CLDND2: variants seen among roughly 807,000 people sequenced by gnomAD.
The protein encoded by CLDND2 is claudin domain containing 2, also known as claudin domain-containing protein 2.
CLDND2 carries 18 observed loss-of-function variants against 17.7 expected under a neutral mutation model. The ratio of observed to expected loss-of-function variants is 1.02; its 90% CI spans 0.70 to 1.51. CLDND2 has a LOEUF of 1.51. CLDND2 is among the 40% of genes most tolerant of loss of function. CLDND2 has a pLI of 0.00. For missense variants in CLDND2, 233 were observed against 219.6 expected (o/e 1.06, Z -0.39); for synonymous variants, 113 against 93.0 (o/e 1.22, Z -1.24).
In CLDND2 at chr19:51,367,590, A is replaced by T. The variant is rs540814614; in HGVS notation, c.311-14T>A. 8 of 1,609,068 alleles carry T rather than the reference A, an allele frequency of 5.0e-6. No homozygotes were observed. In the African/African-American group the frequency reaches 9.3e-5, roughly 19 times the overall value. The stretch of plus-strand genomic sequence containing the variant: ...GCAGCAGCAGTCCTGGGCCCCGCCC[A>T]GCCGCAAGATGAGCTAGCTGGGCCT... On this transcript the variant is annotated splice_polypyrimidine_tract_variant and intron_variant, in intron 2 of 3. Transcript: ENST00000291715. The surrounding 1 kb of genome is among the most constrained non-coding windows in gnomAD (Gnocchi z 7.4).
chr19:51,368,044 ATCAGCCCCCGCGGGCGCC>A lies in CLDND2; in HGVS notation c.170-36_170-19del, dbSNP rs1986499559. 1 of 1,591,364 alleles carries A rather than the reference ATCAGCCCCCGCGGGCGCC, an allele frequency of 6.3e-7. No homozygotes were observed. On this transcript the variant is annotated intron_variant, in intron 1 of 3. Coordinates refer to ENST00000291715, the MANE Select transcript of CLDND2 (RefSeq NM_152353.3). ...CAGCGTGGCTGGGGAGAGCGGGCGC[ATCAGCCCCCGCGGGCGCC>A]GCCCCAGTCACTACGGGTTCGGCCG... is the stretch of plus-strand genomic sequence containing the variant.
At position 51,368,618 on chromosome 19, in the gene CLDND2, G is replaced by A. The variant is rs369227307; in HGVS notation, c.-41C>T. ...GCCGGGGGCCACAAGGGCAGGATGG[G>A]CCCAGGCCTTTCCTACCCCGAGGCC... On this transcript the variant is annotated 5_prime_UTR_variant, in exon 1 of 4. Transcript: ENST00000291715. 222 of 1,578,770 alleles carry A rather than the reference G, an allele frequency of 1.4e-4. No individual in the cohort carries two copies. The African/African-American group carries it at 2.7e-3, about 19-fold the overall frequency.
chr19:51,368,362 C>T (rs1986523629), intron 1 of CLDND2, 47 bp downstream of exon 1: 2 of 1,569,382 alleles, frequency 1.3e-6, no homozygotes, highest in East Asian at 2.2e-5. Flanking sequence ...GTCCCGAGCC[C>T]TGGGGGTCTG....
rs1364344485 is a variant in CLDND2, at chr19:51,367,972, A to G, written c.224T>C (p.Val75Ala). The part of the protein sequence containing the change: ...CMVLAVGVGV[V>A]GMVMGLRIRC... ...AATCCGCAGTCCCATCACCATGCCC[A>G]CCACGCCGACACCCACCGCCAGCAC... is the stretch of plus-strand genomic sequence containing the variant. Residue 75 changes from valine (V) to alanine (A), a missense_variant, in exon 2 of 4, where the codon GTG becomes GCG. Coordinates refer to ENST00000291715, the MANE Select transcript of CLDND2 (RefSeq NM_152353.3). This position sits in a 1 kb window ranked among gnomAD's most constrained non-coding sequence, Gnocchi z 7.4. The G allele has an allele frequency of 2.5e-6, 4 of 1,611,796 alleles. No individual in the cohort carries two copies. The highest frequency in any genetic ancestry group is 3.4e-6 in the Non-Finnish European group (4 of 1,179,040).
Position 51,367,776 on chromosome 19 carries a change from T to A in CLDND2, c.310+110A>T. ...CACCTCTCTCGGCTTCTTCCAGCCC[T>A]GCCCCTCGGATCCTGGCCGAGTACC... On this transcript the variant is annotated intron_variant, in intron 2 of 3. Transcript: ENST00000291715. The surrounding 1 kb of genome is among the most constrained non-coding windows in gnomAD (Gnocchi z 7.4). 6.7e-7 allele frequency: 1 copy of A among 1,493,282 alleles called. No homozygotes were observed. Among genetic ancestry groups the A allele is most frequent in the South Asian group, 1.3e-5 (1 of 77,002 alleles). The allele number at this position is 1,493,282 out of a possible 1,614,324, so 92.5% of individuals were successfully genotyped here. A position where few individuals can be genotyped will look rare whatever the true frequency, so the allele number is the denominator to read the frequency against.
In CLDND2 at chr19:51,367,723, C is replaced by A. The variant is rs1411502608; in HGVS notation, c.311-147G>T. 2.0e-6 allele frequency: 3 copies of A among 1,479,650 alleles called. No homozygotes were observed. In the African/African-American group the frequency reaches 4.2e-5, roughly 21 times the overall value. 91.7% of individuals were successfully genotyped at this position (1,479,650 alleles called of 1,614,324 possible). On this transcript the variant is annotated intron_variant, in intron 2 of 3. Transcript: ENST00000291715. The surrounding 1 kb of genome is among the most constrained non-coding windows in gnomAD (Gnocchi z 7.4). ...GGCCCAGGCCCCTTCCTGCTCCTCC[C>A]GCTCTGAACTCTGTCTCGAGCCCCG...
Position 51,368,807 on chromosome 19 carries a change from C to T in CLDND2, c.-230G>A. 1 of 502,848 alleles carries T rather than the reference C, an allele frequency of 2.0e-6. No homozygotes were observed. Among genetic ancestry groups the T allele is most frequent in the Admixed American group, 3.5e-5 (1 of 28,212 alleles). 31.1% of individuals were successfully genotyped at this position (502,848 alleles called of 1,614,324 possible). On this transcript the variant is annotated 5_prime_UTR_variant, in exon 1 of 4. Transcript: ENST00000291715. Reference sequence around the variant, plus strand: ...CCCCTTACTGGAGACCTTGAGACTTCCCCTGAGAGGCCTCTGAGACCTTCA... The same window carrying T: ...CCCCTTACTGGAGACCTTGAGACTTTCCCTGAGAGGCCTCTGAGACCTTCA...
rs1435993047 is a variant in CLDND2 at position 51,368,026 on chromosome 19, G to A, written c.170C>T (p.Thr57Ile). The A allele has an allele frequency of 1.2e-6, 2 of 1,604,800 alleles. No homozygotes were observed. The highest frequency in any genetic ancestry group is 1.7e-6 in the Non-Finnish European group (2 of 1,176,478). The change falls in exon 2 of 4, where the codon ACC becomes ATC. Residue 57 changes from threonine to isoleucine, a missense_variant and splice_region_variant. Thr to Ile is a moderately conservative substitution (Grantham distance 89). Transcript: ENST00000291715. ...GCACGCCACAGTCACCGCCAGCGTG[G>A]CTGGGGAGAGCGGGCGCATCAGCCC... is the stretch of plus-strand genomic sequence containing the variant. Reference protein sequence around the residue: ...HGICSSIPCQTTLAVTVACMV... With the variant: ...HGICSSIPCQITLAVTVACMV...
In CLDND2 at chr19:51,368,323, T is replaced by A. The variant is rs1376747500; in HGVS notation, c.169+86A>T. 115 of 1,445,174 alleles carry A rather than the reference T, an allele frequency of 8.0e-5. No homozygotes were observed. The East Asian group carries it at 2.6e-3, about 33-fold the overall frequency. 89.5% of individuals were successfully genotyped at this position (1,445,174 alleles called of 1,614,324 possible). A position where few individuals can be genotyped will look rare whatever the true frequency, so the allele number is the denominator to read the frequency against. On this transcript the variant is annotated intron_variant, in intron 1 of 3. Coordinates refer to ENST00000291715, the MANE Select transcript of CLDND2 (RefSeq NM_152353.3). ...GCAACTGAGCCCGGGGTGGAAGGGG[T>A]GGGCGTCTCGCCATGGGCCCAGCTG...
rs1364025183 is a variant in CLDND2, at chr19:51,367,484, G to A, written c.403C>T (p.Leu135=). Reference sequence around the variant, plus strand: ...GCGAGAATTGAGAAGGGTAAGGCCAGCCACCCAGAAAAATAGGACCAAGAG... The same window carrying A: ...GCGAGAATTGAGAAGGGTAAGGCCAACCACCCAGAAAAATAGGACCAAGAG... ...FFSWSYFSGW[L]ALPFSILAGF... is the part of the protein sequence containing the mutation. The change falls in exon 3 of 4, where the codon CTG becomes TTG. Residue 135 remains leucine (L), a synonymous_variant. Coordinates refer to ENST00000291715, the MANE Select transcript of CLDND2 (RefSeq NM_152353.3). This position sits in a 1 kb window ranked among gnomAD's most constrained non-coding sequence, Gnocchi z 7.4. The A allele has an allele frequency of 6.2e-7, 1 of 1,604,416 alleles. No individual in the cohort carries two copies.
At chr19:51,367,066 A>G, downstream of CLDND2, 1 of 1,424,046 alleles carries the variant, frequency 7.0e-7, no homozygotes, top group Non-Finnish European at 9.9e-7. The surrounding 1 kb of genome is among the most constrained non-coding windows in gnomAD (Gnocchi z 7.4). Flanking sequence ...CTGCGTCCCC[A>G]CGACCCGCAG....
In CLDND2 at chr19:51,367,924, A is replaced by G. The variant is rs35337369; in HGVS notation, c.272T>C (p.Leu91Pro). 3.3e-3 allele frequency: 5,286 copies of G among 1,612,762 alleles called. 148 individuals carry two copies. In the African/African-American group the frequency reaches 0.061, roughly 19 times the overall value. Residue 91 changes from leucine (L) to proline (P), a missense_variant, in exon 2 of 4, where the codon CTG becomes CCG. Physicochemically the swap from Leu to Pro is moderately conservative, Grantham distance 98 (BLOSUM62 -3). Transcript: ENST00000291715. This position sits in a 1 kb window ranked among gnomAD's most constrained non-coding sequence, Gnocchi z 7.4. Reference protein sequence around the residue: ...LRIRCDEGESLRGQTTSAFLF... With the variant: ...LRIRCDEGESPRGQTTSAFLF... ...GAAGGCGCTCGTGGTCTGGCCCCGC[A>G]GCGACTCGCCCTCGTCGCACCGAAT... is the stretch of plus-strand genomic sequence containing the variant.
Position 51,367,220 on chromosome 19 carries a change from G to A in CLDND2, c.431-5C>T, listed in dbSNP as rs565235431. On this transcript the variant is annotated splice_polypyrimidine_tract_variant and splice_region_variant and intron_variant, in intron 3 of 3. Transcript: ENST00000291715. The surrounding 1 kb of genome is among the most constrained non-coding windows in gnomAD (Gnocchi z 7.4). Reference sequence around the variant, plus strand: ...CTGCCAGCAGAAAGCAGAAGCCTGGGGGGACGGGGGTGCGGAGCAGGGAGA... The same window carrying A: ...CTGCCAGCAGAAAGCAGAAGCCTGGAGGGACGGGGGTGCGGAGCAGGGAGA... 1.1e-5 allele frequency: 17 copies of A among 1,614,138 alleles called. No individual in the cohort carries two copies. In the South Asian group the frequency reaches 1.9e-4, roughly 18 times the overall value.
chr19:51,367,067 C>A, downstream of CLDND2: 1 of 1,430,306 alleles, frequency 7.0e-7, no homozygotes, highest in Non-Finnish European at 9.9e-7. This position sits in a 1 kb window ranked among gnomAD's most constrained non-coding sequence, Gnocchi z 7.4. Flanking sequence ...TGCGTCCCCA[C>A]GACCCGCAGA....
Position 51,367,459 on chromosome 19 carries a change from G to A in CLDND2, c.428C>T (p.Ala143Val). ...CCTCTTCCCGCTGTCCAGTTTACCC[G>A]CGAGAATTGAGAAGGGTAAGGCCAG... ...GWLALPFSILAGFCFLLADMI... is the reference protein window; with the variant it reads ...GWLALPFSILVGFCFLLADMI... The change falls in exon 3 of 4, where the codon GCG becomes GTG. Residue 143 changes from alanine (A) to valine (V), a missense_variant and splice_region_variant. Transcript: ENST00000291715. This position sits in a 1 kb window ranked among gnomAD's most constrained non-coding sequence, Gnocchi z 7.4. 1 of 1,597,972 alleles carries A rather than the reference G, an allele frequency of 6.3e-7. No homozygotes were observed. The highest frequency in any genetic ancestry group is 8.5e-7 in the Non-Finnish European group (1 of 1,171,356).
At position 51,367,567 on chromosome 19, in the gene CLDND2, A is replaced by G. The variant is rs762502780; in HGVS notation, c.320T>C (p.Leu107Pro). ...GGTGTAGCCTATCAAGGCGGTCAGCAGCAGCAGTCCTGGGCCCCGCCCAGC... is the reference window on the plus strand; with the variant it reads ...GGTGTAGCCTATCAAGGCGGTCAGCGGCAGCAGTCCTGGGCCCCGCCCAGC... ...SAFLFLGGLL[L>P]LTALIGYTVK... The change falls in exon 3 of 4, where the codon CTG (leucine) becomes CCG (proline). Residue 107 changes from leucine (L) to proline (P), a missense_variant. By Grantham distance (98) the Leu-to-Pro change is moderately conservative (BLOSUM62 -3). Transcript: ENST00000291715. This position sits in a 1 kb window ranked among gnomAD's most constrained non-coding sequence, Gnocchi z 7.4. The G allele has an allele frequency of 2.2e-5, 35 of 1,611,850 alleles. No individual in the cohort carries two copies. The highest frequency in any genetic ancestry group is 2.9e-5 in the Non-Finnish European group (34 of 1,179,152).
Position 51,367,689 on chromosome 19 carries a change from C to T in CLDND2, c.311-113G>A. On this transcript the variant is annotated intron_variant, in intron 2 of 3. Coordinates refer to ENST00000291715, the MANE Select transcript of CLDND2 (RefSeq NM_152353.3). This position sits in a 1 kb window ranked among gnomAD's most constrained non-coding sequence, Gnocchi z 7.4. ...TCAGACCACGCCTATCGCCTCTCAG[C>T]CCGCCCCTGGCCCAGGCCCCTTCCT... is the stretch of plus-strand genomic sequence containing the variant. 3 of 1,495,752 alleles carry T rather than the reference C, an allele frequency of 2.0e-6. No individual in the cohort carries two copies. The highest frequency in any genetic ancestry group is 2.7e-6 in the Non-Finnish European group (3 of 1,122,508). 92.7% of individuals were successfully genotyped at this position (1,495,752 alleles called of 1,614,324 possible).
At position 51,367,474 on chromosome 19, in the gene CLDND2, G is replaced by A; in HGVS notation, c.413C>T (p.Pro138Leu). 1 of 1,601,872 alleles carries A rather than the reference G, an allele frequency of 6.2e-7. No homozygotes were observed. The highest frequency in any genetic ancestry group is 8.5e-7 in the Non-Finnish European group (1 of 1,173,500). Residue 138 changes from proline to leucine, a missense_variant, in exon 3 of 4, where the codon CCC becomes CTC. Transcript: ENST00000291715. This position sits in a 1 kb window ranked among gnomAD's most constrained non-coding sequence, Gnocchi z 7.4. ...WSYFSGWLAL[P>L]FSILAGFCFL... ...CAGTTTACCCGCGAGAATTGAGAAG[G>A]GTAAGGCCAGCCACCCAGAAAAATA...
rs771131130 is a variant in CLDND2 at position 51,367,504 on chromosome 19, C to G, written c.383G>C (p.Trp128Ser). 1 of 1,608,804 alleles carries G rather than the reference C, an allele frequency of 6.2e-7. No homozygotes were observed. Among genetic ancestry groups the G allele is most frequent in the Non-Finnish European group, 8.5e-7 (1 of 1,177,336 alleles). ...GGCCAGCCACCCAGAAAAATAGGAC[C>G]AAGAGAAGAAGACGTTGTTCTTCCA... ...NAWKNNVFFS[W>S]SYFSGWLALP... Residue 128 changes from tryptophan (W) to serine (S), a missense_variant, in exon 3 of 4, where the codon TGG becomes TCG. Trp to Ser is a radical substitution (Grantham distance 177). Coordinates refer to ENST00000291715, the MANE Select transcript of CLDND2 (RefSeq NM_152353.3). This position sits in a 1 kb window ranked among gnomAD's most constrained non-coding sequence, Gnocchi z 7.4.
Sources: allele counts gnomAD v4.1 joint callset, GRCh38; gene constraint gnomAD v4.1.1; non-coding constraint Gnocchi (gnomAD v3.1); transcripts MANE v1.5; gene names NCBI Gene and HGNC (gene_info 2026-07-23, HGNC 2026-07-21).